The following PLEKHA2 variants were observed in gnomAD, a reference collection of about 807,000 sequenced individuals.
PLEKHA2 encodes the protein pleckstrin homology domain containing A2.
In PLEKHA2, 28 loss-of-function variants were observed where a neutral mutation model predicts 53.2. The observed-to-expected ratio is 0.53, with a 90% CI of 0.39 to 0.72. The LOEUF is 0.72. PLEKHA2 is among the 30% of genes least tolerant of loss of function. The probability of loss-of-function intolerance (pLI) is 0.00; values close to 1 mark genes in which losing one functional copy is unlikely to be tolerated. For missense variants in PLEKHA2, 426 were observed against 537.9 expected (o/e 0.79, Z 2.06); for synonymous variants, 193 against 196.4 (o/e 0.98, Z 0.14).
intron 8 of PLEKHA2, 42 bp from the exon 9 acceptor site, chr8:38,953,255 A>G (rs774326773): frequency 1.3e-6 from 2 of 1,519,962 alleles, no homozygotes; most frequent in East Asian, 4.5e-5. Context: ...GTGATATGAC[A>G]CAGACAGCCT....
intron 1 of PLEKHA2, among the ~76,000 whole-genome samples, chr8:38,902,841 T>C (rs1020915223): frequency 6.6e-6 from 1 of 152,232 alleles, no homozygotes; most frequent in African/African-American, 2.4e-5. Flanking sequence ...GACCCTGTCT[T>C]TGGCGAGCTT....
chr8:38,956,542 G>A (rs1834943824), intron 9 of PLEKHA2, among the ~76,000 whole-genome samples: 1 of 152,116 alleles, frequency 6.6e-6, no homozygotes, highest in African/African-American at 2.4e-5. Context: ...GCTCATACCT[G>A]TAATCCCAGG....
At chr8:38,907,225 A>T (rs1474686514) in intron 1 of PLEKHA2, among the ~76,000 whole-genome samples, 1 of 152,222 alleles carries the variant, frequency 6.6e-6, no homozygotes, top group East Asian at 1.9e-4. Flanking sequence ...AATTTTAAAA[A>T]TGAGTAATTT....
In PLEKHA2 at chr8:38,935,979, C is replaced by T; in HGVS notation, c.142-15C>T. The T allele has an allele frequency of 1.2e-6, 2 of 1,612,776 alleles. No individual in the cohort carries two copies. Among genetic ancestry groups the T allele is most frequent in the African/African-American group, 1.3e-5 (1 of 75,008 alleles). ...TTCCACAGCCTTCTTAAAATGAAAA[C>T]TATGTGTCTTTCAGAATCTGGCAAT... On this transcript the variant is annotated splice_polypyrimidine_tract_variant and intron_variant, in intron 2 of 11. Transcript: ENST00000617275.
At chr8:38,965,121 T>A (rs1035322891) in intron 10 of PLEKHA2, among the ~76,000 whole-genome samples, 9 of 152,186 alleles carry the variant, frequency 5.9e-5, no homozygotes, top group Non-Finnish European at 1.5e-5. Context: ...CAAATTGTAT[T>A]AGGTAGTCAT....
Position 38,932,173 on chromosome 8 carries a change from T to G in PLEKHA2, c.142-3821T>G, listed in dbSNP as rs145999426. 9.9e-3 allele frequency among the ~76,000 whole-genome samples: 1,507 copies of G among 152,172 alleles called. 33 individuals are homozygous for G. Among genetic ancestry groups the G allele is most frequent in the African/African-American group, 0.035 (1,432 of 41,486 alleles). ...ACCCAGCTAATTTCTTTATTTTACT[T>G]TTTGTAGAGACAGAGTCTTGCTGTG... is the stretch of plus-strand genomic sequence containing the variant. On this transcript the variant is annotated intron_variant, in intron 2 of 11. Transcript: ENST00000617275.
intron 9 of PLEKHA2, among the ~76,000 whole-genome samples, chr8:38,955,459 T>G (rs1834922292): frequency 6.6e-6 from 1 of 152,222 alleles, no homozygotes; most frequent in African/African-American, 2.4e-5. Context: ...TTCTGTACCT[T>G]ATAACTAACT....
intron 1 of PLEKHA2, among the ~76,000 whole-genome samples, chr8:38,905,026 C>T (rs967298845): frequency 2.0e-5 from 3 of 151,966 alleles, no homozygotes; most frequent in Admixed American, 6.6e-5. Context: ...ACTTAAGCAA[C>T]TTTTCTGCGT....
rs144040243 is a variant in PLEKHA2, at chr8:38,921,092, C to A, written c.141+3022C>A. On this transcript the variant is annotated intron_variant, in intron 2 of 11. Transcript: ENST00000617275. ...CTGGGATTACAGGCATGAGCCACTGCGACTGGCCTGAACTCTTGGTTTCAA... is the reference window on the plus strand; with the variant it reads ...CTGGGATTACAGGCATGAGCCACTGAGACTGGCCTGAACTCTTGGTTTCAA... Among the ~76,000 whole-genome samples, 485 of 152,290 alleles carry A rather than the reference C, an allele frequency of 3.2e-3. 2 individuals are homozygous for A. The highest frequency in any genetic ancestry group is 0.011 in the African/African-American group (468 of 41,552).
chr8:38,934,129 AGAAGAG>A (rs1834447522), intron 2 of PLEKHA2, among the ~76,000 whole-genome samples: 1 of 152,024 alleles, frequency 6.6e-6, no homozygotes, highest in African/African-American at 2.4e-5. Flanking sequence ...AAGAAAAAGA[AGAAGAG>A]GTAGAAGAAG....
intron 5 of PLEKHA2, among the ~76,000 whole-genome samples, chr8:38,950,379 G>A: frequency 6.6e-6 from 1 of 152,142 alleles, no homozygotes; most frequent in South Asian, 2.1e-4. Context: ...GTGTCTCCCT[G>A]CCTTCTCCTC....
rs1440651658 is a variant in PLEKHA2, at chr8:38,969,517, T to C, written c.1012T>C (p.Leu338=). 6.2e-7 allele frequency: 1 copy of C among 1,613,484 alleles called. No homozygotes were observed. The highest frequency in any genetic ancestry group is 8.5e-7 in the Non-Finnish European group (1 of 1,179,710). Residue 338 remains leucine, a synonymous_variant, in exon 12 of 12, where the codon TTG becomes CTG. Transcript: ENST00000617275. ...NSILCRGRPP[L]EEKKALCKAP... is the part of the protein sequence containing the mutation. Reference sequence around the variant, plus strand: ...TATCCTGTGCAGGGGGCGGCCACCTTTGGAGGAAAAGAAAGCCCTCTGCAA... The same window carrying C: ...TATCCTGTGCAGGGGGCGGCCACCTCTGGAGGAAAAGAAAGCCCTCTGCAA...
At chr8:38,905,723 C>T (rs1235050639) in intron 1 of PLEKHA2, among the ~76,000 whole-genome samples, 4 of 130,428 alleles carry the variant, frequency 3.1e-5, no homozygotes, top group African/African-American at 8.6e-5. Flanking sequence ...CTCGCCCTGT[C>T]GCCCATGCTG....
intron 1 of PLEKHA2, among the ~76,000 whole-genome samples, chr8:38,911,889 T>A (rs1833960210): frequency 6.6e-6 from 1 of 152,212 alleles, no homozygotes; most frequent in Admixed American, 6.5e-5. Flanking sequence ...GGCAGGAGGA[T>A]GGCTTGAGCC....
intron 5 of PLEKHA2, among the ~76,000 whole-genome samples, chr8:38,948,035 G>T (rs565664421): frequency 6.8e-6 from 1 of 147,304 alleles, no homozygotes; most frequent in African/African-American, 2.5e-5. Context: ...GCAGTGAGCC[G>T]AGATCGCGCC....
Position 38,916,767 on chromosome 8 carries a change from C to T in PLEKHA2, c.-23-1140C>T, listed in dbSNP as rs1046406460. Among the ~76,000 whole-genome samples, 4 of 152,166 alleles carry T rather than the reference C, an allele frequency of 2.6e-5. No homozygotes were observed. The South Asian group carries it at 6.2e-4, about 24-fold the overall frequency. On this transcript the variant is annotated intron_variant, in intron 1 of 11. Coordinates refer to ENST00000617275, the MANE Select transcript of PLEKHA2 (RefSeq NM_021623.2). ...ATATACCTCTTCAACAGACTGATTT[C>T]GTTTCTTTGGGTATATACCCAGCAG...
intron 1 of PLEKHA2, chr8:38,901,847 G>A (rs1833791292): frequency 6.6e-6 from 1 of 152,208 alleles, no homozygotes; most frequent in Admixed American, 6.5e-5. Flanking sequence ...ACCCCGCAAC[G>A]ACTGCCCGGG....
intron 1 of PLEKHA2, among the ~76,000 whole-genome samples, chr8:38,905,607 C>T (rs1379935161): frequency 6.6e-6 from 1 of 152,010 alleles, no homozygotes; most frequent in Admixed American, 6.6e-5. Flanking sequence ...ACGCTCCCCC[C>T]TCACCACTCC....
chr8:38,968,604 G>A lies in PLEKHA2; in HGVS notation c.850G>A (p.Glu284Lys). Reference sequence around the variant, plus strand: ...GGATGTTTTGCAGGCAGACAGTCCAGAAGACATGCACAGCTGGATTAAGGA... The same window carrying A: ...GGATGTTTTGCAGGCAGACAGTCCAAAAGACATGCACAGCTGGATTAAGGA... ...RTFYVQADSP[E>K]DMHSWIKEIG... The change falls in exon 11 of 12, where the codon GAA becomes AAA. Residue 284 changes from glutamate to lysine, a missense_variant. Coordinates refer to ENST00000617275, the MANE Select transcript of PLEKHA2 (RefSeq NM_021623.2). 1 of 1,614,022 alleles carries A rather than the reference G, an allele frequency of 6.2e-7. No homozygotes were observed. Among genetic ancestry groups the A allele is most frequent in the Non-Finnish European group, 8.5e-7 (1 of 1,179,884 alleles).
Sources: allele counts gnomAD v4.1 joint callset (sites outside exome capture counted in the v4.1 genomes callset), GRCh38; gene constraint gnomAD v4.1.1; transcripts MANE v1.5; gene names NCBI Gene and HGNC (gene_info 2026-07-23, HGNC 2026-07-21).